Variants in NCAM1 observed in about 807,000 individuals in gnomAD.
NCAM1 encodes antigen recognized by monoclonal antibody 5.1H11.
A neutral mutation model predicts 109.8 loss-of-function variants in NCAM1; 14 were observed. The observed-to-expected ratio is 0.13, with a 90% CI of 0.08 to 0.20. NCAM1 has a LOEUF of 0.20. Ranked by LOEUF, NCAM1 falls within the 10% of genes least tolerant of loss-of-function variation. NCAM1 has a pLI of 1.00. For missense variants in NCAM1, 774 were observed against 1,109.9 expected, an observed-to-expected ratio of 0.70 and a Z score of 4.30; for synonymous variants, 418 against 442.9, an observed-to-expected ratio of 0.94 and a Z score of 0.70.
chr11:113,225,163 G>A (rs1305741546), intron 9 of NCAM1, among the ~76,000 whole-genome samples: 5 of 152,132 alleles, frequency 3.3e-5, no homozygotes, highest in Non-Finnish European at 7.4e-5. Flanking sequence ...CGAACCCATG[G>A]CAAAGAAGTC....
Position 113,132,603 on chromosome 11 carries a change from CATGTGTGTGTGTGTGTGTGT to C in NCAM1, c.53-69775_53-69756del, listed in dbSNP as rs1565455066. Among the ~76,000 whole-genome samples the C allele has an allele frequency of 4.6e-5, 5 of 108,744 alleles. No homozygotes were observed. In the South Asian group the frequency reaches 1.3e-3, roughly 29 times the overall value. The allele number at this position is 108,744 out of a possible 152,430, so 71.3% of individuals were successfully genotyped here. ...TTGGGATCAGGCATATATTAGGAAGCATGTGTGTGTGTGTGTGTGTGTGTGTGTGTGTGTGTGTGTGTGTG... is the reference window on the plus strand; with the variant it reads ...TTGGGATCAGGCATATATTAGGAAGCGTGTGTGTGTGTGTGTGTGTGTGTG... On this transcript the variant is annotated intron_variant, in intron 1 of 19. Transcript: ENST00000316851.
Position 113,273,301 on chromosome 11 carries a change from C to T in NCAM1, c.2456+1425C>T, listed in dbSNP as rs921101679. ...GGGGCTGTCCTCAGCCCAAGCGCCC[C>T]TGCTGGTGTCGGGGAGGCCTCTAAG... is the stretch of plus-strand genomic sequence containing the variant. On this transcript the variant is annotated intron_variant, in intron 19 of 19. Coordinates refer to ENST00000316851, the MANE Select transcript of NCAM1 (RefSeq NM_181351.5). The surrounding 1 kb of genome is among the most constrained non-coding windows in gnomAD (Gnocchi z 6.0). 1 of 348,852 alleles carries T rather than the reference C, an allele frequency of 2.9e-6. No individual in the cohort carries two copies. The highest frequency in any genetic ancestry group is 3.8e-5 in the Admixed American group (1 of 26,162). The allele number at this position is 348,852 out of a possible 1,614,324, so 21.6% of individuals were successfully genotyped here.
Position 113,269,724 on chromosome 11 carries a change from A to T in NCAM1, c.2132-464A>T. The T allele has an allele frequency of 9.9e-6, 2 of 201,760 alleles. 1 individual carries two copies. The highest frequency in any genetic ancestry group is 1.9e-4 in the South Asian group (2 of 10,390). The allele number at this position is 201,760 out of a possible 1,614,324, so 12.5% of individuals were successfully genotyped here. A position where few individuals can be genotyped will look rare whatever the true frequency, so the allele number is the denominator to read the frequency against. On this transcript the variant is annotated intron_variant, in intron 17 of 19. Transcript: ENST00000316851. ...TGGACAACCCAACAAGCCCCAAGAA[A>T]GCCCCAGGAACCCTCCACCACCCCA...
At chr11:113,007,829 T>C (rs1951928115) in intron 1 of NCAM1, among the ~76,000 whole-genome samples, 1 of 152,198 alleles carries the variant, frequency 6.6e-6, no homozygotes, top group Non-Finnish European at 1.5e-5. Context: ...CTTGAATGGT[T>C]TGGAGTCAAA....
chr11:113,043,300 C>T (rs1207018094), intron 1 of NCAM1, among the ~76,000 whole-genome samples: 4 of 152,124 alleles, frequency 2.6e-5, no homozygotes, highest in African/African-American at 9.7e-5. Flanking sequence ...TCTGTCCCCT[C>T]TCCTGTGTCC....
intron 1 of NCAM1, among the ~76,000 whole-genome samples, chr11:113,152,443 A>T (rs1213673709): frequency 6.6e-6 from 1 of 152,266 alleles, no homozygotes; most frequent in East Asian, 1.9e-4. Flanking sequence ...TCAGTGTAAT[A>T]TGCTCTAAAA....
At chr11:112,981,910 T>C (rs1951164442) in intron 1 of NCAM1, among the ~76,000 whole-genome samples, 1 of 151,944 alleles carries the variant, frequency 6.6e-6, no homozygotes, top group African/African-American at 2.4e-5. Context: ...TTTCACTAGG[T>C]GGCTCTCTTT....
chr11:113,099,834 ACATGCCAC>A (rs1939787214), intron 1 of NCAM1, among the ~76,000 whole-genome samples: 1 of 152,128 alleles, frequency 6.6e-6, no homozygotes. Context: ...GACTACAGGC[ACATGCCAC>A]CATGCCCAGC....
rs1191701321 is a variant in NCAM1 at position 113,221,270 on chromosome 11, T to C, written c.1060-26T>C. 6.4e-6 allele frequency: 10 copies of C among 1,555,086 alleles called. No homozygotes were observed. In the Admixed American group the frequency reaches 2.0e-4, roughly 30 times the overall value. Reference sequence around the variant, plus strand: ...TTGTAAAATTTTACTGCTTTCTTGTTGTGTTTTATATCTTGTTTTCTCCAG... The same window carrying C: ...TTGTAAAATTTTACTGCTTTCTTGTCGTGTTTTATATCTTGTTTTCTCCAG... On this transcript the variant is annotated intron_variant, in intron 8 of 19. Transcript: ENST00000316851.
intron 14 of NCAM1, among the ~76,000 whole-genome samples, chr11:113,242,578 C>T (rs543087572): frequency 1.3e-5 from 2 of 152,196 alleles, no homozygotes; most frequent in African/African-American, 4.8e-5. Context: ...CCATTGCACT[C>T]TAGCCTGAGT....
intron 1 of NCAM1, among the ~76,000 whole-genome samples, chr11:113,050,141 G>C (rs1330128280): frequency 7.2e-6 from 1 of 138,918 alleles, no homozygotes; most frequent in African/African-American, 2.6e-5. Context: ...AACAGAGGGT[G>C]GGGGGGAATG....
intron 9 of NCAM1, among the ~76,000 whole-genome samples, chr11:113,227,446 T>A (rs1400630781): frequency 1.1e-4 from 17 of 152,052 alleles, no homozygotes; most frequent in Non-Finnish European, 2.4e-4. Context: ...ATTAATAGCT[T>A]ACCAACCAAA....
chr11:113,231,916 C>A, intron 10 of NCAM1, 121 bp downstream of exon 10: 2 of 1,340,092 alleles, frequency 1.5e-6, no homozygotes, highest in Non-Finnish European at 1.0e-6. Flanking sequence ...TTCCCTGCAG[C>A]TGACCCTGGG....
chr11:113,254,345 A>T (rs1214161183), intron 15 of NCAM1, among the ~76,000 whole-genome samples: 1 of 152,246 alleles, frequency 6.6e-6, no homozygotes, highest in Non-Finnish European at 1.5e-5. Flanking sequence ...AATAATAAGC[A>T]CAACTTTTCC....
intron 1 of NCAM1, among the ~76,000 whole-genome samples, chr11:113,139,587 G>T (rs78102541): frequency 0.012 from 1,888 of 151,998 alleles, 35 homozygotes; most frequent in African/African-American, 0.043. Context: ...TATTTTCACG[G>T]CCCTTAATTA....
Position 113,219,860 on chromosome 11 carries a change from C to G in NCAM1, c.1060-1436C>G, listed in dbSNP as rs569531367. ...TTGGCAAGCACATTTGACGTGTTGG[C>G]CCACCGTTACTTTGGTCTCTGCATG... On this transcript the variant is annotated intron_variant, in intron 8 of 19. Coordinates refer to ENST00000316851, the MANE Select transcript of NCAM1 (RefSeq NM_181351.5). Among the ~76,000 whole-genome samples, 157 of 152,334 alleles carry G rather than the reference C, an allele frequency of 1.0e-3. No homozygotes were observed. The South Asian group carries it at 0.024, about 24-fold the overall frequency.
rs1384244083 is a variant in NCAM1, at chr11:113,277,569, A to C, written c.*2182A>C. The C allele has an allele frequency of 1.3e-5, 5 of 397,128 alleles. No homozygotes were observed. Among genetic ancestry groups the C allele is most frequent in the African/African-American group, 8.2e-5 (4 of 48,544 alleles). The allele number at this position is 397,128 out of a possible 1,614,324, so 24.6% of individuals were successfully genotyped here. A position where few individuals can be genotyped will look rare whatever the true frequency, so the allele number is the denominator to read the frequency against. On this transcript the variant is annotated 3_prime_UTR_variant, in exon 20 of 20. Transcript: ENST00000316851. Reference sequence around the variant, plus strand: ...TTCTGGTCACCAGGCTGTTCAGTGGACTCAGTTCTTCATCTTGTAATGTCG... The same window carrying C: ...TTCTGGTCACCAGGCTGTTCAGTGGCCTCAGTTCTTCATCTTGTAATGTCG...
chr11:113,012,381 C>T (rs1555074667), intron 1 of NCAM1, among the ~76,000 whole-genome samples: 1 of 152,060 alleles, frequency 6.6e-6, no homozygotes, highest in African/African-American at 2.4e-5. Flanking sequence ...ATAGGTTGTA[C>T]ACTAGATGCC....
At chr11:113,177,984 C>A (rs2136541047) in intron 1 of NCAM1, among the ~76,000 whole-genome samples, 1 of 152,194 alleles carries the variant, frequency 6.6e-6, no homozygotes, top group South Asian at 2.1e-4. Context: ...GGGAGGAATG[C>A]TATTTTAGAA....
Sources: allele counts gnomAD v4.1 joint callset (sites outside exome capture counted in the v4.1 genomes callset), GRCh38; gene constraint gnomAD v4.1.1; non-coding constraint Gnocchi (gnomAD v3.1); transcripts MANE v1.5; gene names NCBI Gene and HGNC (gene_info 2026-07-23, HGNC 2026-07-21).